KAZN: variants seen among roughly 807,000 people sequenced by gnomAD.
KAZN encodes kazrin, periplakin interacting protein, also known as kazrin.
A neutral mutation model predicts 87.4 loss-of-function variants in KAZN; 40 were observed. The ratio of observed to expected loss-of-function variants is 0.46; its 90% CI spans 0.36 to 0.60. KAZN has a LOEUF of 0.60. Among genes scored for constraint, KAZN ranks in the 20% least tolerant of loss-of-function variants. The pLI is 0.00. For synonymous variants in KAZN, 466 were observed against 458.3 expected (o/e 1.02, Z -0.22); for missense variants, 898 against 1,073.9 (o/e 0.84, Z 2.29).
chr1:13,972,928 C>T (rs973093720), intron 1 of KAZN, among the ~76,000 whole-genome samples: 2 of 152,104 alleles, frequency 1.3e-5, no homozygotes, highest in African/African-American at 4.8e-5. Flanking sequence ...ATATAAGGAC[C>T]CTTATATAAT....
intron 2 of KAZN, among the ~76,000 whole-genome samples, chr1:14,438,319 T>C (rs1666515715): frequency 6.6e-6 from 1 of 152,172 alleles, no homozygotes; most frequent in Non-Finnish European, 1.5e-5. Flanking sequence ...CAAACATCCC[T>C]GCCCTCAGGA....
chr1:15,035,057 A>C (rs2100220706), intron 3 of KAZN, among the ~76,000 whole-genome samples, 172 bp downstream of exon 3: 1 of 150,924 alleles, frequency 6.6e-6, no homozygotes, highest in South Asian at 2.1e-4. Context: ...CAACCCCCGG[A>C]GAGGGATCTC....
At chr1:14,768,968 T>G (rs145965960) in intron 1 of KAZN, among the ~76,000 whole-genome samples, 66 of 152,348 alleles carry the variant, frequency 4.3e-4, no homozygotes, top group African/African-American at 1.5e-3. Flanking sequence ...ATTTGACCAG[T>G]GTGCAGCTAC....
chr1:13,970,552 G>A (rs531825177), intron 1 of KAZN, among the ~76,000 whole-genome samples: 21 of 152,326 alleles, frequency 1.4e-4, no homozygotes, highest in African/African-American at 4.3e-4. Context: ...GCTTGGAACC[G>A]TGGAAGCCTC....
intron 1 of KAZN, among the ~76,000 whole-genome samples, chr1:14,154,336 T>C (rs898677436): frequency 2.0e-5 from 3 of 152,232 alleles, no homozygotes; most frequent in African/African-American, 7.2e-5. Flanking sequence ...TGATTTTGTA[T>C]GTTTATTTTG....
At chr1:14,408,302 C>T (rs1249278568) in intron 2 of KAZN, among the ~76,000 whole-genome samples, 1 of 152,078 alleles carries the variant, frequency 6.6e-6, no homozygotes, top group African/African-American at 2.4e-5. Flanking sequence ...TATTGCAAGT[C>T]TGTTGTGGGC....
At chr1:14,130,084 T>C (rs910584465) in intron 1 of KAZN, among the ~76,000 whole-genome samples, 26 of 152,370 alleles carry the variant, frequency 1.7e-4, no homozygotes, top group African/African-American at 5.0e-4. Context: ...AGTAAGTCTG[T>C]CTCTTATTAT....
At chr1:14,181,617 T>G (rs75649294) in intron 2 of KAZN, among the ~76,000 whole-genome samples, 9 of 152,244 alleles carry the variant, frequency 5.9e-5, no homozygotes, top group Non-Finnish European at 1.2e-4. Context: ...ATGGCCCAAA[T>G]TATGCAAAGC....
At chr1:14,314,604 C>T (rs1226624720) in intron 2 of KAZN, among the ~76,000 whole-genome samples, 1 of 152,168 alleles carries the variant, frequency 6.6e-6, no homozygotes, top group African/African-American at 2.4e-5. Flanking sequence ...ACTGCATCCT[C>T]ATTCTTGTAA....
chr1:14,740,223 T>C (rs1030805556), intron 1 of KAZN, among the ~76,000 whole-genome samples: 18 of 152,166 alleles, frequency 1.2e-4, no homozygotes, highest in Non-Finnish European at 2.1e-4. Context: ...AACCGTGGTA[T>C]GACACGTAAG....
rs1426158198 is a variant in KAZN at position 14,293,105 on chromosome 1, C to T, written c.249+112513C>T. 2.0e-5 allele frequency among the ~76,000 whole-genome samples: 3 copies of T among 152,308 alleles called. No homozygotes were observed. The South Asian group carries it at 6.2e-4, about 32-fold the overall frequency. On this transcript the variant is annotated intron_variant, in intron 2 of 16. Transcript: ENST00000636203. ...AAGCCTCATGAAAATGTGGCAGCCT[C>T]ATTTCCATTTTGCAAACAAGGAAAG...
chr1:14,687,901 G>A (rs991817289), intron 1 of KAZN, among the ~76,000 whole-genome samples: 11 of 152,128 alleles, frequency 7.2e-5, no homozygotes, highest in Non-Finnish European at 1.3e-4. Context: ...ACCAAAGTCC[G>A]TGCACTGGAC....
At chr1:14,420,970 G>T (rs1007634946) in intron 2 of KAZN, among the ~76,000 whole-genome samples, 25 of 149,696 alleles carry the variant, frequency 1.7e-4, no homozygotes, top group African/African-American at 5.9e-4. Context: ...CCCAGAGAGG[G>T]GGCTCCCACA....
intron 1 of KAZN, among the ~76,000 whole-genome samples, chr1:14,926,372 T>C (rs890130126): frequency 3.9e-5 from 6 of 152,202 alleles, no homozygotes; most frequent in African/African-American, 1.4e-4. Flanking sequence ...AATGACACGG[T>C]ATAGCCCAGG....
In KAZN at chr1:13,985,211, A is replaced by C. The variant is rs184785993; in HGVS notation, c.91+91455A>C. ...CTTTTTATAAAGCTGAATTTTTTTA[A>C]AATTATTATTATACTTTAAGTTTTA... On this transcript the variant is annotated intron_variant, in intron 1 of 16. Coordinates refer to the KAZN transcript ENST00000636203. 2.1e-3 allele frequency among the ~76,000 whole-genome samples: 326 copies of C among 151,710 alleles called. 2 individuals carry two copies. The highest frequency in any genetic ancestry group is 7.7e-3 in the African/African-American group (318 of 41,338).
Position 14,573,312 on chromosome 1 carries a change from G to A in KAZN, c.250-25671G>A, listed in dbSNP as rs140320790. ...CAACTACATTTTCAGGAATCTACTT[G>A]TGGCTTTCCCATACACCTCTTTTCT... On this transcript the variant is annotated intron_variant, in intron 2 of 16. Coordinates refer to the KAZN transcript ENST00000636203. Among the ~76,000 whole-genome samples, 328 of 152,254 alleles carry A rather than the reference G, an allele frequency of 2.2e-3. 2 individuals are homozygous for A. Among genetic ancestry groups the A allele is most frequent in the African/African-American group, 7.2e-3 (299 of 41,546 alleles).
At chr1:14,153,363 C>T (rs1020066806) in intron 1 of KAZN, among the ~76,000 whole-genome samples, 50 of 152,206 alleles carry the variant, frequency 3.3e-4, no homozygotes, top group African/African-American at 1.2e-3. Flanking sequence ...ATTTTGATTC[C>T]ATTTTCGTAT....
intron 1 of KAZN, among the ~76,000 whole-genome samples, chr1:14,050,102 A>G (rs1642249914): frequency 1.1e-5 from 1 of 92,146 alleles, no homozygotes; most frequent in East Asian, 2.0e-4. Context: ...GTGTGCATGT[A>G]TGTGCACATG....
chr1:14,996,309 CT>C lies in KAZN; in HGVS notation c.418+35436del. 6.6e-6 allele frequency among the ~76,000 whole-genome samples: 1 copy of C among 152,262 alleles called. No individual in the cohort carries two copies. Among genetic ancestry groups the C allele is most frequent in the Non-Finnish European group, 1.5e-5 (1 of 68,020 alleles). On this transcript the variant is annotated intron_variant, in intron 2 of 14. Transcript: ENST00000376030. The surrounding 1 kb of genome is among the most constrained non-coding windows in gnomAD (Gnocchi z 5.9). ...GCAAGCAGGATGACTCACACCTTCC[CT>C]TCTGTTCCCTCAGTCCCTTCTCCCT...
Sources: allele counts gnomAD v4.1 joint callset (sites outside exome capture counted in the v4.1 genomes callset), GRCh38; gene constraint gnomAD v4.1.1; non-coding constraint Gnocchi (gnomAD v3.1); transcripts MANE v1.5; gene names NCBI Gene and HGNC (gene_info 2026-07-23, HGNC 2026-07-21).